Variants in NUDT21 observed in about 807,000 individuals in gnomAD.
NUDT21 encodes the protein cleavage and polyadenylation specificity factor subunit 5.
In NUDT21, 5 loss-of-function variants were observed where a neutral mutation model predicts 29.8. The observed-to-expected ratio is 0.17, with a 90% CI of 0.09 to 0.35. The LOEUF is 0.35. NUDT21 is among the 10% of genes least tolerant of loss of function. The probability of loss-of-function intolerance (pLI) is 1.00; values close to 1 mark genes in which losing one functional copy is unlikely to be tolerated. For missense variants in NUDT21, 76 were observed against 276.0 expected (o/e 0.28, Z 5.13); for synonymous variants, 113 against 98.5 (o/e 1.15, Z -0.87).
At chr16:56,435,743 T>TTATATATATA (rs777245596) in intron 4 of NUDT21, among the ~76,000 whole-genome samples, 2,057 of 26,960 alleles carry the variant, frequency 0.076, 498 homozygotes, top group Non-Finnish European at 0.092. Context: ...AAAAAAAAAA[T>TTATATATATA]TATATATATA....
chr16:56,432,767 G>T, intron 6 of NUDT21, 34 bp from the exon 7 acceptor site: 1 of 1,467,170 alleles, frequency 6.8e-7, no homozygotes, highest in Non-Finnish European at 9.5e-7. Context: ...CTTTATTAAA[G>T]ACAGTACATA....
intron 6 of NUDT21, 57 bp from the exon 7 acceptor site, chr16:56,432,790 T>C: frequency 7.7e-7 from 1 of 1,293,618 alleles, no homozygotes; most frequent in Non-Finnish European, 1.1e-6. Context: ...ACTTTCCATA[T>C]TAGATAAATA....
At position 56,434,272 on chromosome 16, in the gene NUDT21, GA is replaced by G. The variant is rs1962069516; in HGVS notation, c.662+58del. 6.3e-6 allele frequency: 7 copies of G among 1,116,202 alleles called. No homozygotes were observed. The Admixed American group carries it at 1.2e-4, about 20-fold the overall frequency. 69.1% of individuals were successfully genotyped at this position (1,116,202 alleles called of 1,614,324 possible). On this transcript the variant is annotated intron_variant, in intron 6 of 6. Transcript: ENST00000300291. ...GAACTATACCTTCCCAAGTGGCTCA[GA>G]ATATTTTAAATTTGACAGTTAATAT...
intron 1 of NUDT21, among the ~76,000 whole-genome samples, chr16:56,450,527 C>T (rs1410366251): frequency 6.6e-6 from 1 of 152,200 alleles, no homozygotes; most frequent in Non-Finnish European, 1.5e-5. Flanking sequence ...AGGCATAAGG[C>T]ATGGGGCAGG....
rs1434243872 is a variant in NUDT21 at position 56,435,405 on chromosome 16, TGCCCA to T, written c.472-581_472-577del. On this transcript the variant is annotated intron_variant, in intron 4 of 6. Transcript: ENST00000300291. ...CTGGGATTACAGGCATCAGCCACCA[TGCCCA>T]GCCTAAAAGCTGGTTTTTTAAAAAT... Among the ~76,000 whole-genome samples the T allele has an allele frequency of 3.9e-4, 59 of 151,340 alleles. 1 individual carries two copies. Among genetic ancestry groups the T allele is most frequent in the African/African-American group, 1.4e-3 (58 of 41,354 alleles).
chr16:56,446,793 G>A (rs1962224369), intron 2 of NUDT21, 104 bp from the exon 3 acceptor site: 1 of 634,262 alleles, frequency 1.6e-6, no homozygotes, highest in African/African-American at 1.9e-5. Flanking sequence ...ACATATTTCA[G>A]CATAATAAGG....
chr16:56,434,558 T>C, intron 5 of NUDT21, 113 bp from the exon 6 acceptor site: 1 of 793,940 alleles, frequency 1.3e-6, no homozygotes. Context: ...AAGATAATTC[T>C]CATTAATACA....
intron 3 of NUDT21, among the ~76,000 whole-genome samples, chr16:56,442,736 CTCTGT>C (rs1962173526): frequency 1.3e-5 from 2 of 152,144 alleles, no homozygotes; most frequent in Non-Finnish European, 1.5e-5. Flanking sequence ...CTTCCTTTTA[CTCTGT>C]TCTATTTATC....
chr16:56,430,071 A>G lies in NUDT21; in HGVS notation c.*2641T>C, dbSNP rs1962016479. ...TTTGTCCAAATACAGTGTTAACTTA[A>G]TGGAACCCTTAAATATCCAAAATAA... On this transcript the variant is annotated 3_prime_UTR_variant, in exon 7 of 7. Coordinates refer to ENST00000300291, the MANE Select transcript of NUDT21 (RefSeq NM_007006.3). The G allele has an allele frequency of 6.6e-6, 1 of 152,218 alleles. No homozygotes were observed. 9.4% of individuals were successfully genotyped at this position (152,218 alleles called of 1,614,324 possible).
intron 1 of NUDT21, among the ~76,000 whole-genome samples, 168 bp downstream of exon 1, chr16:56,450,919 G>A (rs1459394825): frequency 6.6e-6 from 1 of 152,242 alleles, no homozygotes; most frequent in East Asian, 1.9e-4. Context: ...CTGGAGGCTG[G>A]AGGATGAGAA....
chr16:56,434,610 T>C (rs2143932690), intron 5 of NUDT21, 144 bp downstream of exon 5: 1 of 773,232 alleles, frequency 1.3e-6, no homozygotes, highest in East Asian at 2.5e-5. Flanking sequence ...AGCCACAGAT[T>C]TGAAACTAAA....
At chr16:56,439,057 G>A (rs950785482) in intron 4 of NUDT21, 2 of 152,546 alleles carry the variant, frequency 1.3e-5, no homozygotes, top group South Asian at 2.1e-4. Context: ...TCCAAGATGA[G>A]GGTAGGAGAA....
chr16:56,438,392 C>A (rs1296866759), intron 4 of NUDT21, among the ~76,000 whole-genome samples: 1 of 152,186 alleles, frequency 6.6e-6, no homozygotes, highest in South Asian at 2.1e-4. Context: ...TGAAGCAAAG[C>A]TTTAGTCTAA....
rs1317072884 is a variant in NUDT21, at chr16:56,451,264, G to C, written c.-62C>G. 7.7e-7 allele frequency: 1 copy of C among 1,295,106 alleles called. No individual in the cohort carries two copies. Among genetic ancestry groups the C allele is most frequent in the East Asian group, 2.4e-5 (1 of 42,332 alleles). 80.2% of individuals were successfully genotyped at this position (1,295,106 alleles called of 1,614,324 possible). A position where few individuals can be genotyped will look rare whatever the true frequency, so the allele number is the denominator to read the frequency against. On this transcript the variant is annotated 5_prime_UTR_variant, in exon 1 of 7. Transcript: ENST00000300291. ...GGCAGGCAGGGTAGACTTTCCCCGT[G>C]CGGGAAGCGGTTATCTGCAATCCCC...
In NUDT21 at chr16:56,429,590, G is replaced by A. The variant is rs1344083420; in HGVS notation, c.*3122C>T. The A allele has an allele frequency of 6.6e-6, 1 of 152,078 alleles. No homozygotes were observed. The highest frequency in any genetic ancestry group is 2.4e-5 in the African/African-American group (1 of 41,408). 9.4% of individuals were successfully genotyped at this position (152,078 alleles called of 1,614,324 possible). ...ATTACAGTATTAGGTTTCTCATCACGATTTGAACAAAAGCAAACTGCTTGA... is the reference window on the plus strand; with the variant it reads ...ATTACAGTATTAGGTTTCTCATCACAATTTGAACAAAAGCAAACTGCTTGA... On this transcript the variant is annotated 3_prime_UTR_variant, in exon 7 of 7. Transcript: ENST00000300291.
At chr16:56,449,760 A>C (rs1018280309) in intron 1 of NUDT21, among the ~76,000 whole-genome samples, 3 of 152,158 alleles carry the variant, frequency 2.0e-5, no homozygotes, top group African/African-American at 7.2e-5. Context: ...ATTTGCCTTT[A>C]CCATTTGATG....
intron 3 of NUDT21, among the ~76,000 whole-genome samples, chr16:56,445,327 G>C (rs1442313857): frequency 6.6e-6 from 1 of 152,076 alleles, no homozygotes; most frequent in Admixed American, 6.5e-5. Flanking sequence ...ATTTTTTTGA[G>C]TACACAAGAT....
intron 4 of NUDT21, 35 bp from the exon 5 acceptor site, chr16:56,434,864 T>C (rs1280569838): frequency 8.2e-7 from 1 of 1,221,970 alleles, no homozygotes; most frequent in East Asian, 2.3e-5. Flanking sequence ...TTAATATGTA[T>C]TCCATGGCTT....
At chr16:56,451,060 T>C (rs371852566) in intron 1 of NUDT21, 27 bp downstream of exon 1, 180 of 1,594,144 alleles carry the variant, frequency 1.1e-4, no homozygotes, top group Middle Eastern at 3.3e-4. Flanking sequence ...ACGAGAGAAA[T>C]GCCCGCCAAG....
Sources: allele counts gnomAD v4.1 joint callset (sites outside exome capture counted in the v4.1 genomes callset), GRCh38; gene constraint gnomAD v4.1.1; transcripts MANE v1.5; gene names NCBI Gene and HGNC (gene_info 2026-07-23, HGNC 2026-07-21).